Variants in ADAMTSL1 observed in about 807,000 individuals in gnomAD.
The protein encoded by ADAMTSL1 is ADAMTS like 1.
ADAMTSL1 carries 126 observed loss-of-function variants against 201.8 expected under a neutral mutation model. The ratio of observed to expected loss-of-function variants is 0.62; its 90% CI spans 0.54 to 0.72. ADAMTSL1 has a LOEUF of 0.72. Ranked by LOEUF, ADAMTSL1 falls within the 30% of genes least tolerant of loss-of-function variation. ADAMTSL1 has a pLI of 0.00. For synonymous variants in ADAMTSL1, 1,121 were observed against 903.4 expected, an observed-to-expected ratio of 1.24 and a Z score of -4.32; for missense variants, 2,679 against 2,277.8, an observed-to-expected ratio of 1.18 and a Z score of -3.59.
chr9:18,179,075 C>T (rs1212672821), intron 2 of ADAMTSL1, among the ~76,000 whole-genome samples: 1 of 152,220 alleles, frequency 6.6e-6, no homozygotes, highest in Non-Finnish European at 1.5e-5. Flanking sequence ...AATCAAATTA[C>T]TCCGAGCTAC....
intron 1 of ADAMTSL1, among the ~76,000 whole-genome samples, chr9:18,102,363 A>G (rs557405674): frequency 6.6e-6 from 1 of 152,316 alleles, no homozygotes; most frequent in African/African-American, 2.4e-5. Flanking sequence ...AATATTATTT[A>G]TCCAATGCCT....
chr9:18,335,683 C>T (rs1049193540), intron 2 of ADAMTSL1, among the ~76,000 whole-genome samples: 1 of 152,078 alleles, frequency 6.6e-6, no homozygotes, highest in South Asian at 2.1e-4. Context: ...AATAAATCTT[C>T]AAAAACAAAA....
intron 23 of ADAMTSL1, among the ~76,000 whole-genome samples, chr9:18,885,383 A>G (rs1444157515): frequency 3.9e-5 from 6 of 152,246 alleles, no homozygotes; most frequent in African/African-American, 1.4e-4. Flanking sequence ...GGAGGAGACA[A>G]ATATCTGAAC....
At chr9:18,083,739 A>G (rs577356633) in intron 1 of ADAMTSL1, among the ~76,000 whole-genome samples, 1 of 152,294 alleles carries the variant, frequency 6.6e-6, no homozygotes, top group Non-Finnish European at 1.5e-5. Context: ...AGACGTACAT[A>G]ATGTTTCTGG....
At chr9:18,492,882 A>G (rs1822335020) in intron 1 of ADAMTSL1, among the ~76,000 whole-genome samples, 1 of 152,164 alleles carries the variant, frequency 6.6e-6, no homozygotes, top group African/African-American at 2.4e-5. Context: ...CAGTGGCCAA[A>G]TCCTGTTGCC....
chr9:17,995,690 A>G (rs574290635), intron 1 of ADAMTSL1, among the ~76,000 whole-genome samples: 1 of 152,174 alleles, frequency 6.6e-6, no homozygotes, highest in African/African-American at 2.4e-5. Context: ...GGCATTCAAG[A>G]GGAAGCCCTG....
intron 1 of ADAMTSL1, among the ~76,000 whole-genome samples, chr9:18,042,205 G>A (rs1470610333): frequency 1.3e-5 from 2 of 151,946 alleles, no homozygotes; most frequent in Non-Finnish European, 2.9e-5. Context: ...TACAAATTAT[G>A]AAGCATAGAA....
In ADAMTSL1 at chr9:18,370,398, C is replaced by G. The variant is rs758382477; in HGVS notation, c.208-134431C>G. 1.3e-4 allele frequency among the ~76,000 whole-genome samples: 20 copies of G among 152,116 alleles called. 1 individual carries two copies. Among genetic ancestry groups the G allele is most frequent in the Non-Finnish European group, 2.8e-4 (19 of 68,032 alleles). Reference sequence around the variant, plus strand: ...AGTGATGGGTTACTAGAAGCCCAAACCTCACCATTACACAACATATCCGTA... The same window carrying G: ...AGTGATGGGTTACTAGAAGCCCAAAGCTCACCATTACACAACATATCCGTA... On this transcript the variant is annotated intron_variant, in intron 2 of 29. Coordinates refer to the ADAMTSL1 transcript ENST00000680146.
chr9:18,596,816 A>G (rs1005387723), intron 4 of ADAMTSL1, among the ~76,000 whole-genome samples: 2 of 152,218 alleles, frequency 1.3e-5, no homozygotes, highest in African/African-American at 4.8e-5. Flanking sequence ...GGGAACATAC[A>G]GAAGAAGTGA....
intron 2 of ADAMTSL1, among the ~76,000 whole-genome samples, chr9:18,366,941 AAAAT>A (rs1836794505): frequency 6.6e-6 from 1 of 152,184 alleles, no homozygotes; most frequent in Non-Finnish European, 1.5e-5. Flanking sequence ...AAAGAATATG[AAAAT>A]AAATACTTAT....
rs1256404226 is a variant in ADAMTSL1 at position 18,892,412 on chromosome 9, C to T, written c.4667C>T (p.Ala1556Val). The T allele has an allele frequency of 1.2e-6, 2 of 1,613,298 alleles. No homozygotes were observed. Among genetic ancestry groups the T allele is most frequent in the East Asian group, 4.5e-5 (2 of 44,870 alleles). ...AGGTGGATGGTGACCTCCTGGTCTG[C>T]CTGTACCCGGAGCTGTGGGGGAGGT... ...PSRWMVTSWSACTRSCGGGVQ... is the reference protein window; with the variant it reads ...PSRWMVTSWSVCTRSCGGGVQ... The change falls in exon 26 of 29, where the codon GCC (alanine) becomes GTC (valine). Residue 1556 changes from alanine to valine, a missense_variant. Transcript: ENST00000380548.
intron 1 of ADAMTSL1, among the ~76,000 whole-genome samples, chr9:18,058,515 A>G (rs1224535329): frequency 6.6e-6 from 1 of 152,220 alleles, no homozygotes; most frequent in African/African-American, 2.4e-5. Flanking sequence ...AATGTCATAA[A>G]TATTGTGAGC....
intron 1 of ADAMTSL1, among the ~76,000 whole-genome samples, chr9:18,101,497 C>CA (rs397952890): frequency 0.11 from 10,747 of 95,168 alleles, 418 homozygotes; most frequent in South Asian, 0.2. Flanking sequence ...GACTCCGTCT[C>CA]AAAAAAAAAA....
chr9:18,070,244 A>C (rs1243631956), intron 1 of ADAMTSL1, among the ~76,000 whole-genome samples: 1 of 152,204 alleles, frequency 6.6e-6, no homozygotes, highest in Admixed American at 6.5e-5. Flanking sequence ...GGAGGAAAAC[A>C]TGTCCTGAAG....
chr9:17,952,931 C>G (rs1827786165), intron 1 of ADAMTSL1, among the ~76,000 whole-genome samples: 1 of 24,550 alleles, frequency 4.1e-5, no homozygotes, highest in South Asian at 1.4e-3. Flanking sequence ...CCTCCTCCTC[C>G]TCCTCCTCCT....
intron 1 of ADAMTSL1, among the ~76,000 whole-genome samples, chr9:18,086,547 A>G (rs1199044350): frequency 6.6e-6 from 1 of 152,172 alleles, no homozygotes; most frequent in African/African-American, 2.4e-5. Flanking sequence ...ACATTCTTTT[A>G]CCTACTGGTT....
At chr9:18,651,976 A>G (rs1246459730) in intron 7 of ADAMTSL1, among the ~76,000 whole-genome samples, 1 of 152,066 alleles carries the variant, frequency 6.6e-6, no homozygotes, top group East Asian at 1.9e-4. Context: ...ACCATCCTAT[A>G]TAGTATCTTC....
intron 2 of ADAMTSL1, among the ~76,000 whole-genome samples, chr9:18,449,765 C>T (rs1820333807): frequency 6.6e-6 from 1 of 152,090 alleles, no homozygotes; most frequent in Non-Finnish European, 1.5e-5. Flanking sequence ...GTCAAATTAG[C>T]ACATGAAAAG....
At chr9:18,065,975 G>A (rs76125045) in intron 1 of ADAMTSL1, among the ~76,000 whole-genome samples, 2,102 of 99,672 alleles carry the variant, frequency 0.021, 56 homozygotes, top group African/African-American at 0.079. Flanking sequence ...GACAGAGCGA[G>A]ACTCCATCTC....
Sources: allele counts gnomAD v4.1 joint callset (sites outside exome capture counted in the v4.1 genomes callset), GRCh38; gene constraint gnomAD v4.1.1; transcripts MANE v1.5; gene names NCBI Gene and HGNC (gene_info 2026-07-23, HGNC 2026-07-21).